G6PC3: variants seen among roughly 807,000 people sequenced by gnomAD.
G6PC3 encodes the protein glucose-6-phosphatase 3.
In G6PC3, 30 loss-of-function variants were observed where a neutral mutation model predicts 38.6. The ratio of observed to expected loss-of-function variants is 0.78; its 90% CI spans 0.58 to 1.05. The LOEUF (loss-of-function observed/expected upper bound fraction) is 1.05, where lower values mean the gene tolerates loss of function less well. Ranked by LOEUF, G6PC3 falls within the 50% of genes least tolerant of loss-of-function variation. G6PC3 has a pLI of 0.00. For missense variants in G6PC3, 377 were observed against 443.1 expected (o/e 0.85, Z 1.34); for synonymous variants, 192 against 178.1 (o/e 1.08, Z -0.62).
At chr17:44,075,163 C>A in intron 4 of G6PC3, 76 bp downstream of exon 4, 1 of 1,484,036 alleles carries the variant, frequency 6.7e-7, no homozygotes, top group African/African-American at 1.4e-5. Context: ...ATCTTCCCAT[C>A]GCTCCCAGCT....
At position 44,076,071 on chromosome 17, in the gene G6PC3, C is replaced by T. The variant is rs1267839274; in HGVS notation, c.*28C>T. On this transcript the variant is annotated 3_prime_UTR_variant, in exon 6 of 6. Coordinates refer to ENST00000269097, the MANE Select transcript of G6PC3 (RefSeq NM_138387.4). ...TCTTGTGTGCCTCCCTTTCCTTTCC[C>T]TCCCACAAAGCCAACACTCTGTGAC... The T allele has an allele frequency of 3.1e-6, 5 of 1,610,348 alleles. No individual in the cohort carries two copies. Among genetic ancestry groups the T allele is most frequent in the Non-Finnish European group, 3.4e-6 (4 of 1,179,964 alleles).
intron 3 of G6PC3, 61 bp downstream of exon 3, chr17:44,074,831 ACACAGCAG>A: frequency 6.5e-7 from 1 of 1,530,744 alleles, no homozygotes; most frequent in South Asian, 1.1e-5. Flanking sequence ...TACCTAATAG[ACACAGCAG>A]CATGGCAGCC....
In G6PC3 at chr17:44,070,867, G is replaced by C. The variant is rs1488570777; in HGVS notation, c.-99G>C. 1 of 1,375,982 alleles carries C rather than the reference G, an allele frequency of 7.3e-7. No homozygotes were observed. The highest frequency in any genetic ancestry group is 1.0e-6 in the Non-Finnish European group (1 of 1,002,596). 85.2% of individuals were successfully genotyped at this position (1,375,982 alleles called of 1,614,324 possible). ...GCGGGGCGGGGCCTGGGGCTCAGAGGGGTGGGCTTTGGAGATCAGAGGGTC... is the reference window on the plus strand; with the variant it reads ...GCGGGGCGGGGCCTGGGGCTCAGAGCGGTGGGCTTTGGAGATCAGAGGGTC... On this transcript the variant is annotated 5_prime_UTR_variant, in exon 1 of 6. Coordinates refer to ENST00000269097, the MANE Select transcript of G6PC3 (RefSeq NM_138387.4).
Position 44,075,362 on chromosome 17 carries a change from A to G in G6PC3, c.588A>G (p.Leu196=). The change falls in exon 5 of 6, where the codon CTA becomes CTG. Residue 196 remains leucine (L), a synonymous_variant. Transcript: ENST00000269097. The part of the protein sequence containing the change: ...MTPRVPMERE[L]SFYGLTALAL... ...CCCGAGTGCCTATGGAGCGGGAGCT[A>G]AGCTTCTATGGGTTGACTGCACTGG... The G allele has an allele frequency of 6.2e-7, 1 of 1,614,000 alleles. No individual in the cohort carries two copies. Among genetic ancestry groups the G allele is most frequent in the South Asian group, 1.1e-5 (1 of 91,078 alleles).
At position 44,070,914 on chromosome 17, in the gene G6PC3, C is replaced by G; in HGVS notation, c.-52C>G. 6.5e-7 allele frequency: 1 copy of G among 1,539,558 alleles called. No homozygotes were observed. Among genetic ancestry groups the G allele is most frequent in the Non-Finnish European group, 8.7e-7 (1 of 1,145,536 alleles). On this transcript the variant is annotated 5_prime_UTR_variant, in exon 1 of 6. Coordinates refer to ENST00000269097, the MANE Select transcript of G6PC3 (RefSeq NM_138387.4). ...GGTCGACGCTGCTTCGTTGCCTGGA[C>G]TCTGGTTTCCGCCCTGGAGCAAGCC...
At position 44,071,080 on chromosome 17, in the gene G6PC3, T is replaced by C; in HGVS notation, c.115T>C (p.Phe39Leu). 1 of 1,613,310 alleles carries C rather than the reference T, an allele frequency of 6.2e-7. No individual in the cohort carries two copies. Among genetic ancestry groups the C allele is most frequent in the Non-Finnish European group, 8.5e-7 (1 of 1,179,710 alleles). Residue 39 changes from phenylalanine to leucine, a missense_variant, in exon 1 of 6, where the codon TTT becomes CTT. Coordinates refer to ENST00000269097, the MANE Select transcript of G6PC3 (RefSeq NM_138387.4). ...ITFLGDPKIL[F>L]LFYFPAAYYA... ...CTTTCTGGGCGATCCCAAGATCCTCTTTCTGTTCTACTTCCCCGCGGCCTA... is the reference window on the plus strand; with the variant it reads ...CTTTCTGGGCGATCCCAAGATCCTCCTTCTGTTCTACTTCCCCGCGGCCTA...
At chr17:44,071,700 T>G in intron 1 of G6PC3, 2 of 1,206,228 alleles carry the variant, frequency 1.7e-6, no homozygotes, top group Non-Finnish European at 2.2e-6. Context: ...GTGTGGTCCC[T>G]GGACCATGCC....
intron 2 of G6PC3, 118 bp downstream of exon 2, chr17:44,074,384 A>G: frequency 1.2e-6 from 1 of 856,436 alleles, no homozygotes; most frequent in Non-Finnish European, 2.0e-6. Context: ...TTACTGGCGC[A>G]GAGAACAAAA....
Position 44,071,002 on chromosome 17 carries a change from G to T in G6PC3, c.37G>T (p.Glu13Ter). 6.4e-7 allele frequency: 1 copy of T among 1,563,596 alleles called. No individual in the cohort carries two copies. The highest frequency in any genetic ancestry group is 8.7e-7 in the Non-Finnish European group (1 of 1,153,164). Residue 13 changes from glutamate to a stop codon, truncating the protein, a stop_gained, in exon 1 of 6, where the codon GAG (glutamate) becomes TAG (stop). Transcript: ENST00000269097. LOFTEE classifies it high-confidence loss of function. ...GCTGGGCGCGGGCATCGTGATAGCC[G>T]AGGCGCTACAGAACCAGCTAGCCTG... ...STLGAGIVIA[E>*]ALQNQLAWLE...
rs756452435 is a variant in G6PC3 at position 44,076,247 on chromosome 17, A to G, written c.*204A>G. ...GGTCCTCCCTCTGCCTTTCCTCTCA[A>G]GCCCCCAAAGAGCAAAGGCAACAGC... On this transcript the variant is annotated 3_prime_UTR_variant, in exon 6 of 6. Coordinates refer to ENST00000269097, the MANE Select transcript of G6PC3 (RefSeq NM_138387.4). 1.3e-6 allele frequency: 1 copy of G among 763,920 alleles called. No individual in the cohort carries two copies. 47.3% of individuals were successfully genotyped at this position (763,920 alleles called of 1,614,324 possible).
chr17:44,072,195 C>CT (rs2049992703), intron 1 of G6PC3: 2 of 163,126 alleles, frequency 1.2e-5, no homozygotes, highest in Non-Finnish European at 2.7e-5. Context: ...TTGCCCTTTG[C>CT]TTTGTGCTCT....
chr17:44,070,803 C>CG lies in G6PC3; in HGVS notation c.-158dup, dbSNP rs1567967313. 2 of 737,032 alleles carry CG rather than the reference C, an allele frequency of 2.7e-6. No individual in the cohort carries two copies. The highest frequency in any genetic ancestry group is 4.6e-6 in the Non-Finnish European group (2 of 434,014). 45.7% of individuals were successfully genotyped at this position (737,032 alleles called of 1,614,324 possible). ...CGGCTGGAGGCCGGTCTTGCAGGAGCGGGGGACTGCTGGGGGCGGGGCTTG... is the reference window on the plus strand; with the variant it reads ...CGGCTGGAGGCCGGTCTTGCAGGAGCGGGGGGACTGCTGGGGGCGGGGCTTG... On this transcript the variant is annotated 5_prime_UTR_variant, in exon 1 of 6. Coordinates refer to ENST00000269097, the MANE Select transcript of G6PC3 (RefSeq NM_138387.4).
At chr17:44,075,202 G>A (rs1030767787) in intron 4 of G6PC3, 108 bp from the exon 5 acceptor site, 13 of 1,535,400 alleles carry the variant, frequency 8.5e-6, no homozygotes, top group South Asian at 1.1e-5. Flanking sequence ...GAGGCCCCCC[G>A]TTATGTCTCA....
chr17:44,075,255 TG>T, intron 4 of G6PC3, 54 bp from the exon 5 acceptor site: 2 of 1,609,796 alleles, frequency 1.2e-6, no homozygotes, highest in Non-Finnish European at 1.7e-6. Context: ...GGGGTCGGGG[TG>T]GGGAGGGTCA....
chr17:44,075,142 A>G (rs1270596298), intron 4 of G6PC3, 55 bp downstream of exon 4: 1 of 1,524,100 alleles, frequency 6.6e-7, no homozygotes, highest in East Asian at 2.2e-5. Flanking sequence ...CAGTGGGAGG[A>G]TCAGTCTAGG....
intron 4 of G6PC3, 107 bp downstream of exon 4, chr17:44,075,194 G>C (rs2050064429): frequency 6.6e-7 from 1 of 1,513,700 alleles, no homozygotes; most frequent in African/African-American, 1.4e-5. Flanking sequence ...CCACCCCAGA[G>C]GCCCCCCGTT....
chr17:44,070,951 G>C lies in G6PC3; in HGVS notation c.-15G>C. Reference sequence around the variant, plus strand: ...CCCTGGAGCAAGCCGGGGCCTGGTCGGCAGCTGGGCCGCCATGGAGTCCAC... The same window carrying C: ...CCCTGGAGCAAGCCGGGGCCTGGTCCGCAGCTGGGCCGCCATGGAGTCCAC... On this transcript the variant is annotated 5_prime_UTR_variant, in exon 1 of 6. Coordinates refer to ENST00000269097, the MANE Select transcript of G6PC3 (RefSeq NM_138387.4). 1.9e-6 allele frequency: 3 copies of C among 1,549,208 alleles called. No homozygotes were observed. Among genetic ancestry groups the C allele is most frequent in the Non-Finnish European group, 2.6e-6 (3 of 1,147,012 alleles).
intron 1 of G6PC3, chr17:44,073,608 C>T (rs2050021634): frequency 5.9e-6 from 1 of 169,610 alleles, no homozygotes; most frequent in South Asian, 1.4e-4. Flanking sequence ...ACTACAGGCA[C>T]ACCCCAAGAT....
intron 1 of G6PC3, chr17:44,072,234 C>T (rs142075918): frequency 6.5e-4 from 101 of 154,362 alleles, no homozygotes; most frequent in Non-Finnish European, 1.0e-3. Context: ...TAAGCCTCCC[C>T]CTCTATTCCT....
Sources: gnomAD v4.1 joint callset for allele counts on GRCh38, gnomAD v4.1.1 for gene constraint, MANE v1.5 for transcripts, NCBI Gene and HGNC (gene_info 2026-07-23, HGNC 2026-07-21) for gene names.